Variants in CADPS observed in about 807,000 individuals in gnomAD.
CADPS encodes calcium-dependent secretion activator 1.
Under a neutral mutation model 167.3 loss-of-function variants are expected in CADPS, and 57 were observed. The ratio of observed to expected loss-of-function variants is 0.34; its 90% confidence interval spans 0.28 to 0.42. The LOEUF is 0.42. Ranked by LOEUF, CADPS falls within the 20% of genes least tolerant of loss-of-function variation. The pLI, the probability that CADPS is intolerant of heterozygous loss-of-function variation, is 1.00. For synonymous variants in CADPS, 676 were observed against 635.3 expected (o/e 1.06, Z -0.96); for missense variants, 1,414 against 1,738.1 (o/e 0.81, Z 3.32).
intron 28 of CADPS, among the ~76,000 whole-genome samples, chr3:62,431,105 G>T (rs1359080939): frequency 6.6e-6 from 1 of 152,150 alleles, no homozygotes; most frequent in Non-Finnish European, 1.5e-5. Context: ...GTATGGAAAA[G>T]CTCAGCTTCA....
intron 26 of CADPS, among the ~76,000 whole-genome samples, chr3:62,449,057 GTTAA>G (rs1401798598): frequency 1.3e-5 from 2 of 152,224 alleles, no homozygotes; most frequent in African/African-American, 4.8e-5. Flanking sequence ...TATTCATGTA[GTTAA>G]TTAAGGAGCT....
intron 3 of CADPS, among the ~76,000 whole-genome samples, chr3:62,752,593 G>A (rs1325277268): frequency 6.6e-6 from 1 of 152,152 alleles, no homozygotes; most frequent in Non-Finnish European, 1.5e-5. Context: ...TAGCAAACAA[G>A]GCAAAGATGA....
At chr3:62,449,817 G>A (rs886214353) in intron 26 of CADPS, among the ~76,000 whole-genome samples, 1 of 151,960 alleles carries the variant, frequency 6.6e-6, no homozygotes, top group African/African-American at 2.4e-5. Context: ...GTGTGTGTGT[G>A]TGTGTAATTT....
intron 9 of CADPS, among the ~76,000 whole-genome samples, chr3:62,561,355 T>A (rs552304507): frequency 5.3e-5 from 8 of 151,988 alleles, no homozygotes; most frequent in African/African-American, 1.4e-4. Context: ...TGGGCTTAAG[T>A]GATCTTCCTG....
Position 62,557,649 on chromosome 3 carries a change from G to T in CADPS, c.1645-136C>A, listed in dbSNP as rs574934005. 1,177 of 686,632 alleles carry T rather than the reference G, an allele frequency of 1.7e-3. 25 individuals are homozygous for T. In the South Asian group the frequency reaches 0.019, roughly 11 times the overall value. The allele number at this position is 686,632 out of a possible 1,614,324, so 42.5% of individuals were successfully genotyped here. On this transcript the variant is annotated intron_variant, in intron 9 of 29. Coordinates refer to ENST00000383710, the MANE Select transcript of CADPS (RefSeq NM_003716.4). Reference sequence around the variant, plus strand: ...CTGAGTTTTGCTACCTCCTGGCTGTGTGACGTTGAGCATGTTACTTAACCT... The same window carrying T: ...CTGAGTTTTGCTACCTCCTGGCTGTTTGACGTTGAGCATGTTACTTAACCT...
chr3:62,814,801 T>C (rs988961124), intron 1 of CADPS, among the ~76,000 whole-genome samples: 4 of 152,302 alleles, frequency 2.6e-5, no homozygotes, highest in South Asian at 2.1e-4. Flanking sequence ...CCATGAAACT[T>C]AATTGTTAAG....
intron 3 of CADPS, among the ~76,000 whole-genome samples, chr3:62,695,485 T>C (rs894005948): frequency 4.6e-5 from 7 of 152,214 alleles, no homozygotes; most frequent in African/African-American, 1.7e-4. Context: ...AAACTGAGTC[T>C]GACACCTTAA....
intron 3 of CADPS, among the ~76,000 whole-genome samples, chr3:62,747,293 C>T (rs759102071): frequency 2.0e-5 from 3 of 152,100 alleles, no homozygotes; most frequent in Non-Finnish European, 4.4e-5. Context: ...GTTACAGGAT[C>T]AAGAAAAGAG....
rs4019273 is a variant in CADPS at position 62,631,109 on chromosome 3, T to TACAC, written c.1325+14609_1325+14612dup. ...TACTTTAAAAACTTTATCTGTATAA[T>TACAC]ACACACACACACACACACACACACA... On this transcript the variant is annotated intron_variant, in intron 6 of 29. Coordinates refer to ENST00000383710, the MANE Select transcript of CADPS (RefSeq NM_003716.4). 1.7e-4 allele frequency among the ~76,000 whole-genome samples: 25 copies of TACAC among 149,440 alleles called. No individual in the cohort carries two copies. The East Asian group carries it at 2.2e-3, about 13-fold the overall frequency.
chr3:62,748,203 G>T (rs1306517445), intron 3 of CADPS, among the ~76,000 whole-genome samples: 3 of 145,884 alleles, frequency 2.1e-5, no homozygotes, highest in African/African-American at 7.6e-5. Context: ...AAAATTAGCC[G>T]GGCATGGTGG....
chr3:62,764,476 T>A (rs74660986), intron 2 of CADPS, among the ~76,000 whole-genome samples: 3,190 of 152,284 alleles, frequency 0.021, 59 homozygotes, highest in South Asian at 0.063. Context: ...TAAAAATTTC[T>A]TGAAGAAAAT....
chr3:62,527,784 G>A (rs367971461), intron 13 of CADPS, among the ~76,000 whole-genome samples: 3 of 152,250 alleles, frequency 2.0e-5, no homozygotes, highest in South Asian at 2.1e-4. Flanking sequence ...TACCTAATCC[G>A]AATCTGGTTG....
chr3:62,640,221 A>T (rs1489845561), intron 6 of CADPS, among the ~76,000 whole-genome samples: 1 of 152,190 alleles, frequency 6.6e-6, no homozygotes, highest in Non-Finnish European at 1.5e-5. Context: ...TTCTGCCTTG[A>T]TGTAAACCAT....
At position 62,434,863 on chromosome 3, in the gene CADPS, C is replaced by A. The variant is rs577814909; in HGVS notation, c.3777+3241G>T. Among the ~76,000 whole-genome samples the A allele has an allele frequency of 2.6e-5, 4 of 152,224 alleles. No homozygotes were observed. The South Asian group carries it at 6.2e-4, about 24-fold the overall frequency. On this transcript the variant is annotated intron_variant, in intron 28 of 29. Coordinates refer to ENST00000383710, the MANE Select transcript of CADPS (RefSeq NM_003716.4). ...CAGAAGGGCAAAAACAGGAACAATA[C>A]CAAACAGCAACAACTTAAAGGACTT...
At chr3:62,804,721 A>G (rs2093985615) in intron 1 of CADPS, among the ~76,000 whole-genome samples, 1 of 152,014 alleles carries the variant, frequency 6.6e-6, no homozygotes. Context: ...GTGCTTTAAT[A>G]TTGGGAGGCT....
intron 3 of CADPS, among the ~76,000 whole-genome samples, chr3:62,728,901 G>T (rs2077231863): frequency 6.6e-6 from 1 of 151,818 alleles, no homozygotes; most frequent in Non-Finnish European, 1.5e-5. Context: ...TTGCAATTTG[G>T]AATGAAATCC....
chr3:62,459,022 A>T (rs13088200), intron 26 of CADPS, among the ~76,000 whole-genome samples: 83,654 of 152,042 alleles, frequency 0.55, 26,186 homozygotes, highest in East Asian at 0.73. Context: ...GGAAATAAGG[A>T]TGTCCTAGTA....
In CADPS at chr3:62,776,669, A is replaced by T. The variant is rs559821575; in HGVS notation, c.442-10685T>A. Among the ~76,000 whole-genome samples, 48 of 152,192 alleles carry T rather than the reference A, an allele frequency of 3.2e-4. 1 individual carries two copies. The South Asian group carries it at 9.6e-3, about 30-fold the overall frequency. ...ACTCCATCTCAAAACAACAACAACA[A>T]CAACAACAAAAGCATGCAGAATCAG... On this transcript the variant is annotated intron_variant, in intron 1 of 29. Coordinates refer to ENST00000383710, the MANE Select transcript of CADPS (RefSeq NM_003716.4).
At chr3:62,873,621 T>TTTTG (rs2083063474) in intron 1 of CADPS, among the ~76,000 whole-genome samples, 1 of 150,546 alleles carries the variant, frequency 6.6e-6, no homozygotes, top group African/African-American at 2.4e-5. Context: ...AGGCGCCTTT[T>TTTTG]TTTTTTTTTT....
Sources: gnomAD v4.1 joint callset for allele counts (sites outside exome capture counted in the v4.1 genomes callset) on GRCh38, gnomAD v4.1.1 for gene constraint, MANE v1.5 for transcripts, NCBI Gene and HGNC (gene_info 2026-07-23, HGNC 2026-07-21) for gene names.